BEND2: variants seen among roughly 807,000 people sequenced by gnomAD.
BEND2 encodes BEN domain-containing protein 2.
A neutral mutation model predicts 43.8 loss-of-function variants in BEND2; 19 were observed. The ratio of observed to expected loss-of-function variants is 0.43; its 90% CI spans 0.30 to 0.64. The LOEUF (loss-of-function observed/expected upper bound fraction) is 0.64, where lower values mean the gene tolerates loss of function less well. BEND2 is among the 30% of genes least tolerant of loss of function. The probability of loss-of-function intolerance (pLI) is 0.11; values close to 1 mark genes in which losing one functional copy is unlikely to be tolerated. For synonymous variants in BEND2, 226 were observed against 210.1 expected, an observed-to-expected ratio of 1.08 and a Z score of -0.66; for missense variants, 544 against 574.0, an observed-to-expected ratio of 0.95 and a Z score of 0.53.
chrX:18,177,526 A>T (rs748200182), intron 10 of BEND2, 43 bp downstream of exon 10: 1 of 1,128,880 alleles, frequency 8.9e-7, no homozygotes, highest in Admixed American at 2.2e-5. Flanking sequence ...TGACCAAATG[A>T]TGATTAAAAA....
chrX:18,205,145 C>CA (rs1284578637), intron 4 of BEND2, among the ~76,000 whole-genome samples: 26 of 104,938 alleles, frequency 2.5e-4, no homozygotes, highest in East Asian at 1.2e-3. Context: ...AAACTTTGGG[C>CA]AAAAAAAAAA....
Position 18,202,092 on chromosome X carries a change from A to G in BEND2, c.908-152T>C. On this transcript the variant is annotated intron_variant, in intron 5 of 13. Coordinates refer to ENST00000380033, the MANE Select transcript of BEND2 (RefSeq NM_153346.5). ...TTTGTCCCCAGCAGACTTACCCTTA[A>G]AGAAAGGTTAAAGAAAACTCCTCAA... 3 of 522,757 alleles carry G rather than the reference A, an allele frequency of 5.7e-6. No individual in the cohort carries two copies. The Admixed American group carries it at 1.5e-4, about 26-fold the overall frequency. The allele number at this position is 522,757 out of a possible 1,213,427, so 43.1% of individuals were successfully genotyped here. A position where few individuals can be genotyped will look rare whatever the true frequency, so the allele number is the denominator to read the frequency against.
chrX:18,201,418 CA>C lies in BEND2; in HGVS notation c.1033+396del, dbSNP rs367821568. 1.1e-3 allele frequency among the ~76,000 whole-genome samples: 58 copies of C among 52,806 alleles called. 1 individual carries two copies. The highest frequency in any genetic ancestry group is 2.6e-3 in the South Asian group (2 of 783). 45.9% of individuals were successfully genotyped at this position (52,806 alleles called of 115,157 possible). ...TCTCAAAAAAAAAAAAAAAAAAAAA[CA>C]AAAAAAAAAAAACTGGTGGATCAAG... On this transcript the variant is annotated intron_variant, in intron 6 of 13. Coordinates refer to ENST00000380033, the MANE Select transcript of BEND2 (RefSeq NM_153346.5).
intron 4 of BEND2, among the ~76,000 whole-genome samples, chrX:18,206,741 A>C (rs941436766): frequency 4.5e-5 from 5 of 110,940 alleles, no homozygotes; most frequent in African/African-American, 1.6e-4. Context: ...GGAGGAGAGG[A>C]CTGCCCTAGG....
chrX:18,194,769 T>G (rs1370981269), intron 7 of BEND2, among the ~76,000 whole-genome samples: 2 of 110,500 alleles, frequency 1.8e-5, no homozygotes, highest in African/African-American at 6.6e-5. Flanking sequence ...TTGAAAGAGA[T>G]AAAATTACAG....
intron 8 of BEND2, among the ~76,000 whole-genome samples, chrX:18,186,263 G>T (rs1317878619): frequency 2.7e-5 from 3 of 110,694 alleles, no homozygotes; most frequent in Non-Finnish European, 3.8e-5. Context: ...TTTGACACCA[G>T]CCTGGCCAAC....
At chrX:18,185,567 A>G (rs1394321725) in intron 8 of BEND2, among the ~76,000 whole-genome samples, 3 of 103,940 alleles carry the variant, frequency 2.9e-5, no homozygotes, top group Non-Finnish European at 5.8e-5. Context: ...TAATAATAAT[A>G]ATAATAATAA....
At chrX:18,210,823 A>G (rs1302882589) in intron 4 of BEND2, among the ~76,000 whole-genome samples, 1 of 112,145 alleles carries the variant, frequency 8.9e-6, no homozygotes, top group Non-Finnish European at 1.9e-5. Flanking sequence ...ATATTTCTGT[A>G]TAATTATTCT....
chrX:18,220,718 C>G lies in BEND2; in HGVS notation c.25+8G>C. ...GCTAGCGGGCCAGTTGAGGCGAGGTCACTTTACCCTGTTCCTGGGTCCTCT... is the reference window on the plus strand; with the variant it reads ...GCTAGCGGGCCAGTTGAGGCGAGGTGACTTTACCCTGTTCCTGGGTCCTCT... On this transcript the variant is annotated splice_region_variant and intron_variant, in intron 1 of 13. Transcript: ENST00000380033. 1 of 1,210,703 alleles carries G rather than the reference C, an allele frequency of 8.3e-7. No individual in the cohort carries two copies. Among genetic ancestry groups the G allele is most frequent in the South Asian group, 1.8e-5 (1 of 56,866 alleles).
At chrX:18,176,827 C>T (rs937756720) in intron 10 of BEND2, among the ~76,000 whole-genome samples, 1 of 111,313 alleles carries the variant, frequency 9.0e-6, no homozygotes, top group Non-Finnish European at 1.9e-5. Flanking sequence ...CAGGGGCTCA[C>T]TCATCCTGTC....
Position 18,214,810 on chromosome X carries a change from C to CAA in BEND2, c.239-901_239-900dup, listed in dbSNP as rs58814498. On this transcript the variant is annotated intron_variant, in intron 2 of 13. Coordinates refer to ENST00000380033, the MANE Select transcript of BEND2 (RefSeq NM_153346.5). Reference sequence around the variant, plus strand: ...TGGGCGACAGAGAGAGACTCTGTCTCAAAAAAAAAAAAAAAAAAAAAAAAA... The same window carrying CAA: ...TGGGCGACAGAGAGAGACTCTGTCTCAAAAAAAAAAAAAAAAAAAAAAAAAAA... 3.7e-3 allele frequency among the ~76,000 whole-genome samples: 130 copies of CAA among 35,394 alleles called. 1 individual carries two copies. The highest frequency in any genetic ancestry group is 9.4e-3 in the East Asian group (7 of 744). 30.7% of individuals were successfully genotyped at this position (35,394 alleles called of 115,157 possible). A position where few individuals can be genotyped will look rare whatever the true frequency, so the allele number is the denominator to read the frequency against.
chrX:18,214,155 C>G (rs745941181), intron 2 of BEND2, among the ~76,000 whole-genome samples: 1 of 110,664 alleles, frequency 9.0e-6, no homozygotes, highest in African/African-American at 3.3e-5. Context: ...TGTGGTGGCA[C>G]GTGCCTATAG....
rs758303697 is a variant in BEND2 at position 18,212,092 on chromosome X, C to CTTTTTT, written c.492+467_492+472dup. Among the ~76,000 whole-genome samples the CTTTTTT allele has an allele frequency of 2.4e-3, 172 of 71,045 alleles. 4 individuals carry two copies. The highest frequency in any genetic ancestry group is 8.1e-3 in the African/African-American group (158 of 19,437). The allele number at this position is 71,045 out of a possible 115,157, so 61.7% of individuals were successfully genotyped here. A position where few individuals can be genotyped will look rare whatever the true frequency, so the allele number is the denominator to read the frequency against. ...GGGTGATGAAAATGTTTATTACTGT[C>CTTTTTT]TTTTTTTTTTTTTTTTTTTTGAGAC... On this transcript the variant is annotated intron_variant, in intron 4 of 13. Transcript: ENST00000380033.
chrX:18,188,902 A>G (rs925122798), intron 8 of BEND2, among the ~76,000 whole-genome samples: 2 of 112,249 alleles, frequency 1.8e-5, no homozygotes, highest in African/African-American at 3.2e-5. Context: ...AGAATTCAAC[A>G]ATACATTAAA....
Position 18,203,893 on chromosome X carries a change from G to A in BEND2, c.515C>T (p.Pro172Leu), listed in dbSNP as rs760253357. The change falls in exon 5 of 14, where the codon CCA becomes CTA. Residue 172 changes from proline to leucine, a missense_variant. By Grantham distance (98) the Pro-to-Leu change is moderately conservative (BLOSUM62 -3). Coordinates refer to ENST00000380033, the MANE Select transcript of BEND2 (RefSeq NM_153346.5). ...TPEVQSSISP[P>L]AERQETHAWA... is the part of the protein sequence containing the mutation. ...GGCATGGGTTTCCTGCCTTTCCGCT[G>A]GTGGTGATATGCTAGACTGTACCTA... The A allele has an allele frequency of 2.1e-5, 25 of 1,203,186 alleles. No homozygotes were observed. The highest frequency in any genetic ancestry group is 2.4e-5 in the Non-Finnish European group (21 of 890,022).
intron 3 of BEND2, among the ~76,000 whole-genome samples, chrX:18,212,961 T>G (rs926961592): frequency 8.9e-6 from 1 of 111,791 alleles, no homozygotes; most frequent in African/African-American, 3.3e-5. Context: ...TGGAAACAAA[T>G]GAACAAGAGA....
intron 8 of BEND2, among the ~76,000 whole-genome samples, chrX:18,187,140 C>A (rs1234527815): frequency 9.1e-6 from 1 of 109,898 alleles, no homozygotes; most frequent in Non-Finnish European, 1.9e-5. Context: ...GGAAAAAGTC[C>A]CAACTTACCA....
chrX:18,172,390 T>C (rs886279418), intron 12 of BEND2, among the ~76,000 whole-genome samples: 27 of 111,273 alleles, frequency 2.4e-4, no homozygotes, highest in Non-Finnish European at 4.3e-4. Context: ...TAATCCAAAG[T>C]ATGGAAAAAT....
intron 8 of BEND2, among the ~76,000 whole-genome samples, chrX:18,189,963 T>A (rs2147408641): frequency 9.2e-6 from 1 of 108,688 alleles, no homozygotes; most frequent in Non-Finnish European, 1.9e-5. Flanking sequence ...GGCAGGAGAA[T>A]CGCTTGAACC....
Sources: gnomAD v4.1 joint callset for allele counts (sites outside exome capture counted in the v4.1 genomes callset) on GRCh38, gnomAD v4.1.1 for gene constraint, MANE v1.5 for transcripts, NCBI Gene and HGNC (gene_info 2026-07-23, HGNC 2026-07-21) for gene names.